The following CLVS1 variants were observed in gnomAD, a reference collection of about 807,000 sequenced individuals.
CLVS1 encodes clavesin 1, also known as clavesin-1.
Under a neutral mutation model 33.1 loss-of-function variants are expected in CLVS1, and 10 were observed. That is an observed-to-expected ratio of 0.30 (90% CI 0.19 to 0.51). The LOEUF (loss-of-function observed/expected upper bound fraction) is 0.51, where lower values mean the gene tolerates loss of function less well. Among genes scored for constraint, CLVS1 ranks in the 20% least tolerant of loss-of-function variants. The pLI, the probability that CLVS1 is intolerant of heterozygous loss-of-function variation, is 0.97. For missense variants in CLVS1, 343 were observed against 433.4 expected, an observed-to-expected ratio of 0.79 and a Z score of 1.85; for synonymous variants, 163 against 166.1, an observed-to-expected ratio of 0.98 and a Z score of 0.14.
At chr8:61,005,391 A>G in the CLVS1 span, among the ~76,000 whole-genome samples, 1 of 149,700 alleles carries the variant, frequency 6.7e-6, no homozygotes, top group Non-Finnish European at 1.5e-5. Flanking sequence ...TTTTTTTAGC[A>G]TTCAAGGGAA....
At chr8:61,272,935 T>G (rs1748001484) in intron 2 of CLVS1, among the ~76,000 whole-genome samples, 1 of 149,846 alleles carries the variant, frequency 6.7e-6, no homozygotes, top group Non-Finnish European at 1.5e-5. Flanking sequence ...TGCCTTTGGT[T>G]TGAATGTCCT....
intron 1 of CLVS1, among the ~76,000 whole-genome samples, chr8:61,093,487 CA>C (rs541158970): frequency 2.5e-4 from 38 of 152,174 alleles, no homozygotes; most frequent in Middle Eastern, 3.4e-3. Context: ...AATGTGCTTA[CA>C]AAAAAACCCC....
At chr8:61,160,661 T>C (rs921899361) in intron 2 of CLVS1, among the ~76,000 whole-genome samples, 2 of 152,180 alleles carry the variant, frequency 1.3e-5, no homozygotes, top group African/African-American at 4.8e-5. Context: ...CAGGTATAAA[T>C]GACAGAAATA....
intron 2 of CLVS1, among the ~76,000 whole-genome samples, chr8:61,304,675 C>T (rs1329159547): frequency 1.3e-5 from 2 of 152,154 alleles, no homozygotes; most frequent in Non-Finnish European, 2.9e-5. Context: ...AAAACAAATT[C>T]ATTTCTTGCT....
intron 2 of CLVS1, among the ~76,000 whole-genome samples, chr8:61,234,183 C>T (rs1808504484): frequency 6.6e-6 from 1 of 152,090 alleles, no homozygotes; most frequent in Non-Finnish European, 1.5e-5. Flanking sequence ...AGCCCAGGGG[C>T]AGAAGTCTGC....
At chr8:61,191,489 A>G (rs571364981) in intron 2 of CLVS1, among the ~76,000 whole-genome samples, 174 of 152,250 alleles carry the variant, frequency 1.1e-3, no homozygotes, top group Non-Finnish European at 1.8e-3. Context: ...CTCTCTCACA[A>G]CTCCTATTCA....
At chr8:61,164,461 C>G (rs371027100) in intron 2 of CLVS1, among the ~76,000 whole-genome samples, 1 of 152,186 alleles carries the variant, frequency 6.6e-6, no homozygotes, top group East Asian at 1.9e-4. Flanking sequence ...CCAAACATTG[C>G]GATTCCCGCT....
intron 2 of CLVS1, among the ~76,000 whole-genome samples, chr8:61,347,905 G>A (rs896963038): frequency 1.3e-5 from 2 of 151,246 alleles, no homozygotes; most frequent in Non-Finnish European, 2.9e-5. Context: ...ATGTACAAGG[G>A]TTCCCTTTTC....
chr8:61,440,701 A>G (rs954968098), intron 3 of CLVS1, among the ~76,000 whole-genome samples: 1 of 152,218 alleles, frequency 6.6e-6, no homozygotes, highest in Non-Finnish European at 1.5e-5. Flanking sequence ...AAAGAGTTAG[A>G]ACTGTTCTAA....
chr8:61,445,995 A>G (rs1224665361), intron 3 of CLVS1, among the ~76,000 whole-genome samples: 3 of 152,166 alleles, frequency 2.0e-5, no homozygotes, highest in Non-Finnish European at 2.9e-5. Flanking sequence ...TGCAGGGTCT[A>G]TAGTAGTATG....
At chr8:61,131,158 T>A (rs1806091116) in intron 1 of CLVS1, among the ~76,000 whole-genome samples, 1 of 152,208 alleles carries the variant, frequency 6.6e-6, no homozygotes, top group South Asian at 2.1e-4. Context: ...AGGGAGACTC[T>A]TCCCTATGCC....
rs1469517444 is a variant in CLVS1 at position 61,335,437 on chromosome 8, ACTGT to A, written c.455+35161_455+35164del. On this transcript the variant is annotated intron_variant, in intron 2 of 5. Transcript: ENST00000325897. ...GAGTCGGTTAAGTTAGATCTCTTTC[ACTGT>A]CTGTCATAATTTTGCAAAGGCAGTT... is the stretch of plus-strand genomic sequence containing the variant. Among the ~76,000 whole-genome samples the A allele has an allele frequency of 2.0e-5, 3 of 152,336 alleles. No homozygotes were observed. The South Asian group carries it at 6.2e-4, about 32-fold the overall frequency.
intron 1 of CLVS1, among the ~76,000 whole-genome samples, chr8:61,081,663 G>A (rs1006864807): frequency 1.3e-5 from 2 of 152,202 alleles, no homozygotes; most frequent in African/African-American, 4.8e-5. Context: ...CCAGTCTGGT[G>A]TATAAGAAAA....
Position 61,420,251 on chromosome 8 carries a change from C to T in CLVS1, c.631-33890C>T, listed in dbSNP as rs145508672. Among the ~76,000 whole-genome samples the T allele has an allele frequency of 2.6e-3, 400 of 152,252 alleles. 3 individuals carry two copies. Among genetic ancestry groups the T allele is most frequent in the African/African-American group, 8.7e-3 (363 of 41,530 alleles). ...TAGGGTTGCTACAAAAAGCATGTGA[C>T]AGACGGTCTGACATATGGTAAATAC... On this transcript the variant is annotated intron_variant, in intron 3 of 5. Transcript: ENST00000325897.
intron 5 of CLVS1, among the ~76,000 whole-genome samples, chr8:61,463,503 A>T (rs971268384): frequency 1.3e-5 from 2 of 151,926 alleles, no homozygotes; most frequent in Admixed American, 1.3e-4. Context: ...GAGACGTGCA[A>T]CTCTTCCTTT....
intron 1 of CLVS1, among the ~76,000 whole-genome samples, chr8:61,081,345 T>A (rs73685711): frequency 0.04 from 6,141 of 152,148 alleles, 407 homozygotes; most frequent in African/African-American, 0.14. Context: ...TGCAACTGGA[T>A]TAAGAAAGTT....
At chr8:61,484,387 G>A (rs1259729398) in intron 5 of CLVS1, among the ~76,000 whole-genome samples, 1 of 152,080 alleles carries the variant, frequency 6.6e-6, no homozygotes, top group Non-Finnish European at 1.5e-5. Context: ...AACTTACAAG[G>A]GATGTGAAGG....
intron 2 of CLVS1, chr8:61,202,857 A>G (rs911880590): frequency 3.1e-6 from 3 of 977,518 alleles, no homozygotes; most frequent in Middle Eastern, 3.0e-4. Flanking sequence ...ATGATGAAGA[A>G]GATGATGATG....
chr8:61,323,036 C>T (rs1811255715), intron 2 of CLVS1, among the ~76,000 whole-genome samples: 1 of 152,114 alleles, frequency 6.6e-6, no homozygotes, highest in African/African-American at 2.4e-5. Flanking sequence ...ACCTAAGGAA[C>T]ACGAACTGTC....
Sources: allele counts gnomAD v4.1 joint callset (sites outside exome capture counted in the v4.1 genomes callset), GRCh38; gene constraint gnomAD v4.1.1; transcripts MANE v1.5; gene names NCBI Gene and HGNC (gene_info 2026-07-23, HGNC 2026-07-21).